RASA3: variants seen among roughly 807,000 people sequenced by gnomAD.
RASA3 encodes ras GTPase-activating protein 3.
RASA3 carries 73 observed loss-of-function variants against 110.0 expected under a neutral mutation model. The ratio of observed to expected loss-of-function variants is 0.66; its 90% CI spans 0.55 to 0.81. The LOEUF is 0.81. Among genes scored for constraint, RASA3 ranks in the 30% least tolerant of loss-of-function variants. The pLI is 0.00. For missense variants in RASA3, 976 were observed against 1,113.2 expected (o/e 0.88, Z 1.75); for synonymous variants, 500 against 451.4 (o/e 1.11, Z -1.37).
At position 114,056,596 on chromosome 13, in the gene RASA3, G is replaced by C. The variant is rs1185652239; in HGVS notation, c.174-4441C>G. Reference sequence around the variant, plus strand: ...TGCTTGGCAGTGGGGGGCTCGGTGGGGGGAGGCCCGTGCTGGCTGGGCACC... The same window carrying C: ...TGCTTGGCAGTGGGGGGCTCGGTGGCGGGAGGCCCGTGCTGGCTGGGCACC... On this transcript the variant is annotated intron_variant, in intron 2 of 23. Transcript: ENST00000334062. This position sits in a 1 kb window ranked among gnomAD's most constrained non-coding sequence, Gnocchi z 5.7. The C allele has an allele frequency of 1.0e-6, 1 of 984,396 alleles. No individual in the cohort carries two copies. Among genetic ancestry groups the C allele is most frequent in the Non-Finnish European group, 1.2e-6 (1 of 829,644 alleles). The allele number at this position is 984,396 out of a possible 1,614,324, so 61.0% of individuals were successfully genotyped here.
chr13:114,119,551 G>T (rs71217098), intron 1 of RASA3, among the ~76,000 whole-genome samples: 94 of 107,992 alleles, frequency 8.7e-4, no homozygotes, highest in Middle Eastern at 5.3e-3. Flanking sequence ...CGTCGATCAG[G>T]GCCCCTCCCT....
Position 114,048,149 on chromosome 13 carries a change from A to G in RASA3, c.277+3903T>C, listed in dbSNP as rs896614635. Among the ~76,000 whole-genome samples, 4 of 152,038 alleles carry G rather than the reference A, an allele frequency of 2.6e-5. No individual in the cohort carries two copies. The highest frequency in any genetic ancestry group is 9.7e-5 in the African/African-American group (4 of 41,398). On this transcript the variant is annotated intron_variant, in intron 3 of 23. Transcript: ENST00000334062. This position sits in a 1 kb window ranked among gnomAD's most constrained non-coding sequence, Gnocchi z 4.3. ...GCTAACACGGTGAAACCCCGTCTCT[A>G]CTGAAAATACAAAAAATTAGCCGGG...
chr13:114,049,839 GT>G (rs2079113732), intron 3 of RASA3, among the ~76,000 whole-genome samples: 1 of 152,256 alleles, frequency 6.6e-6, no homozygotes, highest in East Asian at 1.9e-4. Context: ...AGGAAGCTCT[GT>G]CCAGTGGACA....
At chr13:114,017,173 C>T (rs890722650) in intron 12 of RASA3, 64 bp downstream of exon 12, 1 of 1,436,428 alleles carries the variant, frequency 7.0e-7, no homozygotes, top group Non-Finnish European at 9.8e-7. Flanking sequence ...CAGTGCAGTG[C>T]CCTCTGTTGG....
chr13:114,057,103 G>T lies in RASA3; in HGVS notation c.174-4948C>A. On this transcript the variant is annotated intron_variant, in intron 2 of 23. Transcript: ENST00000334062. The surrounding 1 kb of genome is among the most constrained non-coding windows in gnomAD (Gnocchi z 5.0). ...AACCCTGGAGCCAGAACAGGCTCCA[G>T]CACAGGCGATGGGTGAGTGTTTTGC... 2.8e-6 allele frequency: 2 copies of T among 720,440 alleles called. No homozygotes were observed. The highest frequency in any genetic ancestry group is 3.4e-6 in the Non-Finnish European group (2 of 588,252). The allele number at this position is 720,440 out of a possible 1,614,324, so 44.6% of individuals were successfully genotyped here. A position where few individuals can be genotyped will look rare whatever the true frequency, so the allele number is the denominator to read the frequency against.
At chr13:114,062,961 C>T (rs61973909) in intron 2 of RASA3, among the ~76,000 whole-genome samples, 20,676 of 152,252 alleles carry the variant, frequency 0.14, 1,809 homozygotes, top group Middle Eastern at 0.21. Flanking sequence ...GAGGCACAGC[C>T]GGCGACAGAA....
chr13:114,044,805 G>A (rs1034475010), intron 3 of RASA3, among the ~76,000 whole-genome samples: 7 of 151,996 alleles, frequency 4.6e-5, no homozygotes, highest in Non-Finnish European at 1.0e-4. Flanking sequence ...GGTCAGTTTT[G>A]AAGTCTGAAG....
At chr13:114,017,504 C>T (rs1330038414) in intron 11 of RASA3, among the ~76,000 whole-genome samples, 153 bp from the exon 12 acceptor site, 1 of 152,242 alleles carries the variant, frequency 6.6e-6, no homozygotes, top group Non-Finnish European at 1.5e-5. Context: ...CACAACCAGG[C>T]CAGGTGCTTG....
intron 1 of RASA3, among the ~76,000 whole-genome samples, chr13:114,080,834 A>C (rs2079773556): frequency 6.6e-6 from 1 of 151,732 alleles, no homozygotes. Context: ...CCCAGGGCAC[A>C]GGGCCGTCCA....
intron 3 of RASA3, 56 bp downstream of exon 3, chr13:114,051,996 C>T: frequency 2.2e-6 from 3 of 1,383,024 alleles, no homozygotes; most frequent in East Asian, 2.3e-5. Context: ...AATGCTAATA[C>T]TCGCCTGGTA....
chr13:114,070,310 C>T (rs1425240021), intron 2 of RASA3, among the ~76,000 whole-genome samples: 1 of 151,932 alleles, frequency 6.6e-6, no homozygotes, highest in Non-Finnish European at 1.5e-5. Flanking sequence ...GTGGCCAGGA[C>T]TAAACTCCCC....
At chr13:114,015,720 G>C (rs758725494) in intron 13 of RASA3, among the ~76,000 whole-genome samples, 2 of 152,242 alleles carry the variant, frequency 1.3e-5, no homozygotes, top group African/African-American at 2.4e-5. Flanking sequence ...TCAACATCAG[G>C]GAGTTTTGCT....
chr13:114,107,007 C>T (rs2080143315), intron 1 of RASA3, among the ~76,000 whole-genome samples: 1 of 152,232 alleles, frequency 6.6e-6, no homozygotes, highest in Admixed American at 6.5e-5. Context: ...CCCCCAGAGC[C>T]ACATCTGGCA....
At chr13:114,001,122 C>T (rs2053385117) in intron 18 of RASA3, among the ~76,000 whole-genome samples, 190 bp from the exon 19 acceptor site, 1 of 152,256 alleles carries the variant, frequency 6.6e-6, no homozygotes, top group African/African-American at 2.4e-5. Context: ...AAGTTGAGCG[C>T]TGACTGCTTT....
chr13:114,000,197 GGGTGCCCTGGGCCGGAGGA>G (rs1453035748), intron 19 of RASA3, among the ~76,000 whole-genome samples: 4 of 151,408 alleles, frequency 2.6e-5, no homozygotes, highest in Non-Finnish European at 5.9e-5. Context: ...GTCTCTGCTG[GGGTGCCCTGGGCCGGAGGA>G]GGTGCCCCAT....
chr13:114,060,967 T>TGGAGCCCCCACAGCCGGCAGAC (rs1566539878), intron 2 of RASA3, among the ~76,000 whole-genome samples: 31 of 145,428 alleles, frequency 2.1e-4, no homozygotes, highest in East Asian at 8.7e-4. Context: ...AGCCGGCAGA[T>TGGAGCCCCCACAGCCGGCAGAC]GGAGCCCCCC....
At chr13:114,033,146 C>T (rs1181949935) in intron 4 of RASA3, among the ~76,000 whole-genome samples, 5 of 87,774 alleles carry the variant, frequency 5.7e-5, no homozygotes, top group Admixed American at 2.4e-4. Flanking sequence ...ACTGACACCA[C>T]ACCCCACGGC....
intron 1 of RASA3, among the ~76,000 whole-genome samples, chr13:114,091,333 G>A (rs1013821884): frequency 2.6e-5 from 4 of 151,858 alleles, no homozygotes; most frequent in Non-Finnish European, 5.9e-5. Context: ...TTCCCCATTC[G>A]GTATGAGGTT....
At chr13:113,993,555 C>A (rs1566450127) in intron 21 of RASA3, among the ~76,000 whole-genome samples, 1 of 151,658 alleles carries the variant, frequency 6.6e-6, no homozygotes, top group Non-Finnish European at 1.5e-5. Flanking sequence ...ACCTGTAGTC[C>A]CCACACTTTT....
Sources: gnomAD v4.1 joint callset for allele counts (sites outside exome capture counted in the v4.1 genomes callset) on GRCh38, gnomAD v4.1.1 for gene constraint, Gnocchi (gnomAD v3.1) non-coding constraint, MANE v1.5 for transcripts, NCBI Gene and HGNC (gene_info 2026-07-23, HGNC 2026-07-21) for gene names.